ERMP1: variants seen among roughly 807,000 people sequenced by gnomAD.
ERMP1 encodes the protein Felix-ina.
ERMP1 carries 86 observed loss-of-function variants against 92.0 expected under a neutral mutation model. That is an observed-to-expected ratio of 0.93 (90% CI 0.79 to 1.12). The LOEUF (loss-of-function observed/expected upper bound fraction) is 1.12, where lower values mean the gene tolerates loss of function less well. ERMP1 is among the 50% of genes most tolerant of loss of function. The probability of loss-of-function intolerance (pLI) is 0.00; values close to 1 mark genes in which losing one functional copy is unlikely to be tolerated. For synonymous variants in ERMP1, 530 were observed against 412.8 expected, an observed-to-expected ratio of 1.28 and a Z score of -3.44; for missense variants, 1,342 against 1,116.3, an observed-to-expected ratio of 1.20 and a Z score of -2.88.
chr9:5,852,874 T>G (rs559116380), intron 6 of ERMP1, among the ~76,000 whole-genome samples: 1 of 152,182 alleles, frequency 6.6e-6, no homozygotes, highest in Non-Finnish European at 1.5e-5. Context: ...CTTTCCTGAC[T>G]ACAGGGTCAT....
At chr9:5,807,373 C>A (rs1828907005) in intron 8 of ERMP1, among the ~76,000 whole-genome samples, 1 of 152,312 alleles carries the variant, frequency 6.6e-6, no homozygotes, top group East Asian at 1.9e-4. Flanking sequence ...CTAACTGACA[C>A]AGATGCATTT....
chr9:5,807,227 C>A (rs1307657078), intron 8 of ERMP1, among the ~76,000 whole-genome samples: 1 of 152,170 alleles, frequency 6.6e-6, no homozygotes, highest in Non-Finnish European at 1.5e-5. Context: ...CACAAAATCA[C>A]AAATTCTCTC....
chr9:5,828,035 G>T (rs562921826), intron 2 of ERMP1, among the ~76,000 whole-genome samples: 2 of 152,266 alleles, frequency 1.3e-5, no homozygotes, highest in African/African-American at 4.8e-5. Flanking sequence ...CAGGCACAGT[G>T]GTTCCCACCT....
At chr9:5,823,292 AT>A (rs1291013442) in intron 4 of ERMP1, among the ~76,000 whole-genome samples, 8 of 152,190 alleles carry the variant, frequency 5.3e-5, no homozygotes, top group African/African-American at 1.7e-4. Flanking sequence ...AAACAATAAA[AT>A]AAAAATTATT....
At position 5,826,798 on chromosome 9, in the gene ERMP1, A is replaced by G. The variant is rs999033354; in HGVS notation, c.641-1579T>C. Among the ~76,000 whole-genome samples, 15 of 152,358 alleles carry G rather than the reference A, an allele frequency of 9.8e-5. No individual in the cohort carries two copies. In the East Asian group the frequency reaches 2.7e-3, roughly 27 times the overall value. ...TACTTTAAAATAGAGAGCAAACAAT[A>G]AAATGTTTCTTTATTCAAAAAGAGA... On this transcript the variant is annotated intron_variant, in intron 2 of 14. Transcript: ENST00000339450.
chr9:5,814,058 C>G (rs1489709661), intron 4 of ERMP1, among the ~76,000 whole-genome samples: 1 of 152,088 alleles, frequency 6.6e-6, no homozygotes, highest in Admixed American at 6.6e-5. Context: ...ATGACTTGCT[C>G]TAGCCAACAG....
rs537797082 is a variant in ERMP1 at position 5,815,147 on chromosome 9, T to C, written c.875-2112A>G. ...ATGGCCAAGAATCTTCCAAAACTCA[T>C]AGAATTCAAGCCACGAATTCAAAAA... On this transcript the variant is annotated intron_variant, in intron 4 of 14. Transcript: ENST00000339450. Among the ~76,000 whole-genome samples, 60 of 152,240 alleles carry C rather than the reference T, an allele frequency of 3.9e-4. 2 individuals are homozygous for C. In the South Asian group the frequency reaches 5.0e-3, roughly 13 times the overall value.
rs116225941 is a variant in ERMP1 at position 5,811,386 on chromosome 9, A to G, written c.1115-63T>C. 6.2e-4 allele frequency: 782 copies of G among 1,261,798 alleles called. 3 individuals are homozygous for G. In the African/African-American group the frequency reaches 0.011, roughly 18 times the overall value. The allele number at this position is 1,261,798 out of a possible 1,614,324, so 78.2% of individuals were successfully genotyped here. ...AAAAGATAAAAAGGCTGAATAAACT[A>G]TTTGTGATTTACACATACCACTATT... On this transcript the variant is annotated intron_variant, in intron 6 of 14. Transcript: ENST00000339450.
At chr9:5,813,542 TAGTAA>T (rs1444462263) in intron 4 of ERMP1, among the ~76,000 whole-genome samples, 3 of 152,162 alleles carry the variant, frequency 2.0e-5, no homozygotes, top group Non-Finnish European at 4.4e-5. Context: ...TGCATTATAC[TAGTAA>T]GCATCCCTAA....
At position 5,811,081 on chromosome 9, in the gene ERMP1, G is replaced by T. The variant is rs1219290791; in HGVS notation, c.1327+30C>A. 6.7e-6 allele frequency: 10 copies of T among 1,484,680 alleles called. No individual in the cohort carries two copies. The East Asian group carries it at 2.3e-4, about 34-fold the overall frequency. 92.0% of individuals were successfully genotyped at this position (1,484,680 alleles called of 1,614,324 possible). On this transcript the variant is annotated intron_variant, in intron 7 of 14. Transcript: ENST00000339450. Reference sequence around the variant, plus strand: ...TCAAGCACATTCTACAGCAATGCCAGTATTTGTAGTTTTAGAGGAAAATAC... The same window carrying T: ...TCAAGCACATTCTACAGCAATGCCATTATTTGTAGTTTTAGAGGAAAATAC...
chr9:5,865,735 G>T (rs1482676635), intron 5 of ERMP1, among the ~76,000 whole-genome samples: 1 of 150,116 alleles, frequency 6.7e-6, no homozygotes, highest in African/African-American at 2.4e-5. Flanking sequence ...CTACTCGGGA[G>T]GCTGAGGCAT....
At position 5,810,011 on chromosome 9, in the gene ERMP1, C is replaced by T; in HGVS notation, c.1548G>A (p.Met516Ile). ...IHTLAKRFYY[M>I]NASAQYLGEV... ...ATCAACAAATATACCAAACACTTAC[C>T]ATGTAATAAAATCTTTTCGCAAGAG... Residue 516 changes from methionine to isoleucine, a missense_variant and splice_region_variant, in exon 8 of 15, where the codon ATG becomes ATA. Transcript: ENST00000339450. The T allele has an allele frequency of 6.3e-7, 1 of 1,578,396 alleles. No homozygotes were observed. Among genetic ancestry groups the T allele is most frequent in the South Asian group, 1.1e-5 (1 of 90,362 alleles).
chr9:5,811,078 C>G (rs962102811), intron 7 of ERMP1, 33 bp downstream of exon 7: 3 of 1,425,980 alleles, frequency 2.1e-6, no homozygotes, highest in Non-Finnish European at 3.0e-6. Context: ...TACAGCAATG[C>G]CAGTATTTGT....
Position 5,798,978 on chromosome 9 carries a change from C to T in ERMP1, c.2098G>A (p.Gly700Arg). The change falls in exon 12 of 15, where the codon GGA becomes AGA. Residue 700 changes from glycine (G) to arginine (R), a missense_variant. Transcript: ENST00000339450. ...HMTRTFHDLE[G>R]NAVKRDSGIW... ...CCAGAGTCCCGTTTAACTGCATTTC[C>T]TTCCAAGTCATGGAATGTTCTAGTC... The T allele has an allele frequency of 6.2e-7, 1 of 1,613,538 alleles. No homozygotes were observed. Among genetic ancestry groups the T allele is most frequent in the Non-Finnish European group, 8.5e-7 (1 of 1,179,678 alleles).
At chr9:5,838,570 G>T (rs188954818) in intron 6 of ERMP1, among the ~76,000 whole-genome samples, 111 of 151,888 alleles carry the variant, frequency 7.3e-4, no homozygotes, top group Admixed American at 4.1e-3. Flanking sequence ...CATGGTTTTT[G>T]ATGTAGTAAT....
intron 6 of ERMP1, among the ~76,000 whole-genome samples, chr9:5,839,224 G>C (rs954973865): frequency 6.6e-6 from 1 of 152,180 alleles, no homozygotes; most frequent in Non-Finnish European, 1.5e-5. Flanking sequence ...AAAAAACTGA[G>C]AGAATTTTCA....
upstream of ERMP1, among the ~76,000 whole-genome samples, chr9:5,833,547 A>G (rs1054057939): frequency 1.3e-5 from 2 of 152,238 alleles, no homozygotes; most frequent in Non-Finnish European, 2.9e-5. Flanking sequence ...TTCATAACTC[A>G]GCAACTTAAT....
chr9:5,800,284 A>T (rs2131217345), intron 11 of ERMP1, among the ~76,000 whole-genome samples: 1 of 152,330 alleles, frequency 6.6e-6, no homozygotes, highest in East Asian at 1.9e-4. Context: ...AAAAACTAAC[A>T]ATTTAGCCAT....
chr9:5,837,117 G>C (rs1830104394), upstream of ERMP1, among the ~76,000 whole-genome samples: 1 of 152,118 alleles, frequency 6.6e-6, no homozygotes, highest in African/African-American at 2.4e-5. Flanking sequence ...CATCTTAAAA[G>C]CCTTTCTGAA....
Sources: allele counts gnomAD v4.1 joint callset (sites outside exome capture counted in the v4.1 genomes callset), GRCh38; gene constraint gnomAD v4.1.1; transcripts MANE v1.5; gene names NCBI Gene and HGNC (gene_info 2026-07-23, HGNC 2026-07-21).